The following SUMF1 variants were observed in gnomAD, a reference collection of about 807,000 sequenced individuals.
The protein encoded by SUMF1 is formylglycine-generating enzyme.
Under a neutral mutation model 47.6 loss-of-function variants are expected in SUMF1, and 48 were observed. The ratio of observed to expected loss-of-function variants is 1.01; its 90% CI spans 0.80 to 1.28. The LOEUF (loss-of-function observed/expected upper bound fraction) is 1.28, where lower values mean the gene tolerates loss of function less well. SUMF1 is among the 50% of genes most tolerant of loss of function. SUMF1 has a pLI of 0.00. For synonymous variants in SUMF1, 230 were observed against 192.1 expected (o/e 1.20, Z -1.63); for missense variants, 571 against 485.4 (o/e 1.18, Z -1.66).
intron 8 of SUMF1, among the ~76,000 whole-genome samples, chr3:4,151,718 A>G (rs1349605544): frequency 6.7e-6 from 1 of 149,096 alleles, no homozygotes; most frequent in Non-Finnish European, 1.5e-5. Flanking sequence ...AAAAAAAATC[A>G]CAAAAAAATC....
intron 7 of SUMF1, among the ~76,000 whole-genome samples, chr3:4,403,383 T>C (rs745612716): frequency 1.1e-4 from 17 of 152,056 alleles, no homozygotes; most frequent in Non-Finnish European, 2.2e-4. Flanking sequence ...TCAGACAACA[T>C]CTAGAATGCT....
chr3:4,141,245 C>T (rs993134454), intron 8 of SUMF1, among the ~76,000 whole-genome samples: 10 of 152,136 alleles, frequency 6.6e-5, no homozygotes, highest in African/African-American at 2.4e-4. Context: ...TCATTTCCCT[C>T]CTAATACGGA....
intron 9 of SUMF1, among the ~76,000 whole-genome samples, chr3:4,059,179 A>G (rs1230205567): frequency 6.6e-6 from 1 of 152,192 alleles, no homozygotes; most frequent in Non-Finnish European, 1.5e-5. Context: ...GGCACTATTT[A>G]GCTTACTAAA....
rs569268409 is a variant in SUMF1, at chr3:4,059,169, G to A, written c.1191+9400C>T. 9.9e-5 allele frequency among the ~76,000 whole-genome samples: 15 copies of A among 151,900 alleles called. 1 individual carries two copies. Among genetic ancestry groups the A allele is most frequent in the African/African-American group, 1.5e-4 (6 of 41,344 alleles). On this transcript the variant is annotated intron_variant and NMD_transcript_variant, in intron 9 of 12. Transcript: ENST00000448413. Reference sequence around the variant, plus strand: ...CTTGTGTTTAAAAAAATAAAAAGGCGGCACTATTTAGCTTACTAAATTCAG... The same window carrying A: ...CTTGTGTTTAAAAAAATAAAAAGGCAGCACTATTTAGCTTACTAAATTCAG...
At chr3:4,215,091 CA>C (rs980970557) in intron 8 of SUMF1, among the ~76,000 whole-genome samples, 2 of 152,072 alleles carry the variant, frequency 1.3e-5, no homozygotes, top group African/African-American at 4.8e-5. Flanking sequence ...AGAGACACAA[CA>C]AAAAAGGAAA....
At chr3:4,117,052 T>C (rs935423035) in intron 8 of SUMF1, among the ~76,000 whole-genome samples, 2 of 152,194 alleles carry the variant, frequency 1.3e-5, no homozygotes, top group Non-Finnish European at 2.9e-5. Flanking sequence ...GATCTATGTT[T>C]ACTGACACAA....
At chr3:4,141,569 A>G (rs1019075262) in intron 8 of SUMF1, among the ~76,000 whole-genome samples, 1 of 152,126 alleles carries the variant, frequency 6.6e-6, no homozygotes, top group Non-Finnish European at 1.5e-5. Flanking sequence ...AGGCTGAAAA[A>G]GGAGGATTGC....
Position 4,140,159 on chromosome 3 carries a change from T to G in SUMF1, c.1015-71414A>C, listed in dbSNP as rs73114460. 9.3e-3 allele frequency among the ~76,000 whole-genome samples: 1,418 copies of G among 152,216 alleles called. 24 individuals are homozygous for G. The highest frequency in any genetic ancestry group is 0.033 in the African/African-American group (1,356 of 41,548). ...ATCCTAATTTTCATGGCATTTGACT[T>G]AATTCTCCATAGGATACCTGGGATA... is the stretch of plus-strand genomic sequence containing the variant. On this transcript the variant is annotated intron_variant and NMD_transcript_variant, in intron 8 of 12. Transcript: ENST00000448413.
intron 8 of SUMF1, among the ~76,000 whole-genome samples, chr3:4,200,174 A>ATTTT (rs35851983): frequency 1.6e-5 from 2 of 125,912 alleles, no homozygotes; most frequent in Non-Finnish European, 3.3e-5. Flanking sequence ...AAGCATCAAG[A>ATTTT]TTTTTTTTTT....
intron 3 of SUMF1, among the ~76,000 whole-genome samples, chr3:4,440,635 A>G (rs1702554986): frequency 6.6e-6 from 1 of 152,248 alleles, no homozygotes; most frequent in Non-Finnish European, 1.5e-5. Flanking sequence ...TGGGCAGGAT[A>G]TGACTGCCTA....
Position 4,457,009 on chromosome 3 carries a change from C to CGTGTGTGTATATATAT in SUMF1, c.271-3961_271-3960insATATATATACACACAC, listed in dbSNP as rs1559313221. On this transcript the variant is annotated intron_variant, in intron 1 of 8. Coordinates refer to ENST00000272902, the MANE Select transcript of SUMF1 (RefSeq NM_182760.4). ...ATATATACGTGTGTGTATATATATA[C>CGTGTGTGTATATATAT]GTGTGTGTACATATATATACGTGTG... Among the ~76,000 whole-genome samples the CGTGTGTGTATATATAT allele has an allele frequency of 1.7e-3, 108 of 64,670 alleles. 2 individuals are homozygous for CGTGTGTGTATATATAT. Among genetic ancestry groups the CGTGTGTGTATATATAT allele is most frequent in the African/African-American group, 7.8e-3 (103 of 13,222 alleles). 42.4% of individuals were successfully genotyped at this position (64,670 alleles called of 152,430 possible).
At chr3:4,416,308 A>C (rs952011617) in intron 6 of SUMF1, among the ~76,000 whole-genome samples, 2 of 152,218 alleles carry the variant, frequency 1.3e-5, no homozygotes, top group African/African-American at 4.8e-5. Context: ...CTGTAGAAAA[A>C]AAAAACAGAA....
chr3:4,058,324 G>A (rs899773298), intron 9 of SUMF1, among the ~76,000 whole-genome samples: 2 of 152,118 alleles, frequency 1.3e-5, no homozygotes, highest in East Asian at 3.8e-4. Context: ...CCATTCTACA[G>A]GGTCATGTAC....
chr3:4,086,259 C>G (rs1264104425), intron 8 of SUMF1, among the ~76,000 whole-genome samples: 2 of 150,100 alleles, frequency 1.3e-5, no homozygotes, highest in Non-Finnish European at 3.0e-5. Flanking sequence ...CTGGGGTAAA[C>G]TAAAACATCT....
chr3:4,150,327 C>A (rs904778732), intron 8 of SUMF1, among the ~76,000 whole-genome samples: 2 of 150,018 alleles, frequency 1.3e-5, no homozygotes, highest in African/African-American at 5.1e-5. Context: ...TTTGGGAGGC[C>A]GAGGCAGGTG....
chr3:4,294,054 A>G (rs150870830), intron 8 of SUMF1, among the ~76,000 whole-genome samples: 2 of 152,150 alleles, frequency 1.3e-5, no homozygotes, highest in Admixed American at 1.3e-4. Flanking sequence ...TAAAATACCT[A>G]ATCTATTGGA....
intron 8 of SUMF1, among the ~76,000 whole-genome samples, chr3:4,094,891 G>T (rs1297408220): frequency 6.6e-6 from 1 of 152,092 alleles, no homozygotes; most frequent in Non-Finnish European, 1.5e-5. Flanking sequence ...TCCAAGCCAT[G>T]CTAACACTTA....
chr3:4,449,407 T>C, intron 2 of SUMF1, 67 bp from the exon 3 acceptor site: 1 of 1,447,800 alleles, frequency 6.9e-7, no homozygotes, highest in East Asian at 2.3e-5. Flanking sequence ...TGTGCCCTTT[T>C]CTCTCCACAC....
intron 8 of SUMF1, among the ~76,000 whole-genome samples, chr3:4,345,815 G>C (rs1454856471): frequency 2.0e-5 from 3 of 151,922 alleles, no homozygotes; most frequent in Non-Finnish European, 4.4e-5. Context: ...ACACACATAG[G>C]CTCAAAATAA....
Sources: gnomAD v4.1 joint callset for allele counts (sites outside exome capture counted in the v4.1 genomes callset) on GRCh38, gnomAD v4.1.1 for gene constraint, MANE v1.5 for transcripts, NCBI Gene and HGNC (gene_info 2026-07-23, HGNC 2026-07-21) for gene names.